LSAMP: variants seen among roughly 807,000 people sequenced by gnomAD.
The protein encoded by LSAMP is limbic system-associated membrane protein.
A neutral mutation model predicts 38.6 loss-of-function variants in LSAMP; 7 were observed. The ratio of observed to expected loss-of-function variants is 0.18; its 90% CI spans 0.10 to 0.34. The LOEUF (loss-of-function observed/expected upper bound fraction) is 0.34. Ranked by LOEUF, LSAMP falls within the 10% of genes least tolerant of loss-of-function variation. LSAMP has a pLI of 1.00. For synonymous variants in LSAMP, 154 were observed against 166.8 expected, an observed-to-expected ratio of 0.92 and a Z score of 0.59; for missense variants, 313 against 420.0, an observed-to-expected ratio of 0.75 and a Z score of 2.23.
intron 3 of LSAMP, among the ~76,000 whole-genome samples, chr3:115,939,907 C>T (rs1246951404): frequency 1.3e-5 from 2 of 151,980 alleles, no homozygotes; most frequent in Admixed American, 6.6e-5. Context: ...GGTTCTTGGT[C>T]CCTCTGACTT....
intron 3 of LSAMP, among the ~76,000 whole-genome samples, chr3:115,996,736 C>T (rs1318111569): frequency 1.3e-5 from 2 of 151,942 alleles, no homozygotes; most frequent in Non-Finnish European, 2.9e-5. Flanking sequence ...TTATTCATTT[C>T]TTTATTTATT....
intron 1 of LSAMP, among the ~76,000 whole-genome samples, chr3:116,223,030 G>A (rs1294248570): frequency 1.3e-5 from 2 of 152,100 alleles, no homozygotes; most frequent in South Asian, 2.1e-4. Context: ...GAGCCACCGC[G>A]CCCGGCCTCA....
intron 4 of LSAMP, among the ~76,000 whole-genome samples, chr3:115,851,058 C>T (rs1255541724): frequency 5.3e-5 from 8 of 152,184 alleles, no homozygotes; most frequent in Non-Finnish European, 1.2e-4. Flanking sequence ...ACTGCAACCT[C>T]CACCTTCTGG....
chr3:115,844,658 T>A (rs140942110), intron 4 of LSAMP, among the ~76,000 whole-genome samples: 1 of 152,286 alleles, frequency 6.6e-6, no homozygotes, highest in Non-Finnish European at 1.5e-5. Context: ...TTGCCAATAG[T>A]CACATTGCTT....
At chr3:116,106,467 G>A (rs1444078671) in intron 1 of LSAMP, among the ~76,000 whole-genome samples, 1 of 152,200 alleles carries the variant, frequency 6.6e-6, no homozygotes. Flanking sequence ...GCTGTACCTT[G>A]TAGCATTCTG....
rs560493294 is a variant in LSAMP, at chr3:116,263,666, T to C, written c.156-177110A>G. ...TATCAAAATTAAACCAACTTTTATA[T>C]TGCATTTTATTAAATTTTATGTTTT... On this transcript the variant is annotated intron_variant, in intron 1 of 6. Transcript: ENST00000490035. 3.9e-4 allele frequency among the ~76,000 whole-genome samples: 10 copies of C among 25,810 alleles called. No homozygotes were observed. In the Admixed American group the frequency reaches 4.6e-3, roughly 12 times the overall value. 16.9% of individuals were successfully genotyped at this position (25,810 alleles called of 152,430 possible).
chr3:115,995,379 T>A (rs1364255156), intron 3 of LSAMP, among the ~76,000 whole-genome samples: 1 of 152,062 alleles, frequency 6.6e-6, no homozygotes, highest in Non-Finnish European at 1.5e-5. Flanking sequence ...CCCTTCCTCT[T>A]CCACAGTGTT....
chr3:115,925,985 G>A (rs566847900), intron 3 of LSAMP, among the ~76,000 whole-genome samples: 1 of 152,194 alleles, frequency 6.6e-6, no homozygotes, highest in African/African-American at 2.4e-5. Context: ...CATTAATGAT[G>A]ATTACATGTG....
At chr3:115,900,655 A>G (rs1047776003) in intron 3 of LSAMP, among the ~76,000 whole-genome samples, 3 of 152,338 alleles carry the variant, frequency 2.0e-5, no homozygotes, top group East Asian at 1.9e-4. Context: ...GGAAGGGTAC[A>G]TGAGCAGGCA....
intron 6 of LSAMP, among the ~76,000 whole-genome samples, chr3:115,837,209 GC>G (rs1404474203): frequency 6.6e-6 from 1 of 152,074 alleles, no homozygotes; most frequent in Non-Finnish European, 1.5e-5. Flanking sequence ...GTCAACTATG[GC>G]TTTACAACTT....
chr3:116,344,088 C>A (rs1287710374), intron 1 of LSAMP, among the ~76,000 whole-genome samples: 2 of 151,954 alleles, frequency 1.3e-5, no homozygotes, highest in Admixed American at 1.3e-4. Flanking sequence ...CAAAAGCAAG[C>A]AAATAAAAAC....
intron 3 of LSAMP, among the ~76,000 whole-genome samples, chr3:116,010,162 C>G (rs796736069): frequency 2.0e-5 from 3 of 152,186 alleles, no homozygotes; most frequent in Admixed American, 1.3e-4. Context: ...AGTGATCCAC[C>G]CACCTTGGCC....
chr3:116,347,020 T>C (rs928311891), intron 1 of LSAMP, among the ~76,000 whole-genome samples: 6 of 152,160 alleles, frequency 3.9e-5, no homozygotes, highest in African/African-American at 1.2e-4. Context: ...CAAATGATAC[T>C]CGGTCTATGA....
intron 1 of LSAMP, among the ~76,000 whole-genome samples, chr3:116,422,881 T>C (rs1175727959): frequency 6.6e-6 from 1 of 152,232 alleles, no homozygotes; most frequent in Non-Finnish European, 1.5e-5. Flanking sequence ...TTTCATAGTT[T>C]TGTTATTATA....
chr3:115,977,251 T>G (rs1939216308), intron 3 of LSAMP, among the ~76,000 whole-genome samples: 1 of 152,326 alleles, frequency 6.6e-6, no homozygotes, highest in Non-Finnish European at 1.5e-5. Flanking sequence ...GATAGATTTA[T>G]GCTCAATGTA....
At chr3:116,014,698 A>G (rs1940427570) in intron 3 of LSAMP, among the ~76,000 whole-genome samples, 1 of 152,196 alleles carries the variant, frequency 6.6e-6, no homozygotes, top group South Asian at 2.1e-4. Flanking sequence ...AATTTCCTGA[A>G]ACTTGAACTG....
intron 1 of LSAMP, among the ~76,000 whole-genome samples, chr3:116,199,573 A>T (rs957016932): frequency 1.3e-5 from 2 of 152,170 alleles, no homozygotes; most frequent in Non-Finnish European, 2.9e-5. Flanking sequence ...CTGCTAGGAT[A>T]AATAAATGAG....
chr3:115,954,414 C>T (rs558425264), intron 3 of LSAMP, among the ~76,000 whole-genome samples: 130 of 152,310 alleles, frequency 8.5e-4, no homozygotes, highest in African/African-American at 3.0e-3. Context: ...TAGACAGGTA[C>T]AGGGATACTA....
At chr3:116,231,064 G>A (rs1345479162) in intron 1 of LSAMP, among the ~76,000 whole-genome samples, 1 of 152,198 alleles carries the variant, frequency 6.6e-6, no homozygotes, top group East Asian at 1.9e-4. Flanking sequence ...TACTTTCTCT[G>A]ATTTGTCTAT....
Sources: allele counts gnomAD v4.1 joint callset (sites outside exome capture counted in the v4.1 genomes callset), GRCh38; gene constraint gnomAD v4.1.1; transcripts MANE v1.5; gene names NCBI Gene and HGNC (gene_info 2026-07-23, HGNC 2026-07-21).